The following DTNB variants were observed in gnomAD, a reference collection of about 807,000 sequenced individuals.
The protein encoded by DTNB is DTN-B.
A neutral mutation model predicts 90.7 loss-of-function variants in DTNB; 63 were observed. That is an observed-to-expected ratio of 0.69 (90% confidence interval 0.57 to 0.86). The LOEUF (loss-of-function observed/expected upper bound fraction) is 0.86, where lower values mean the gene tolerates loss of function less well. DTNB is among the 40% of genes least tolerant of loss of function. DTNB has a pLI of 0.00. For missense variants in DTNB, 744 were observed against 807.1 expected (o/e 0.92, Z 0.95); for synonymous variants, 277 against 286.7 (o/e 0.97, Z 0.34).
chr2:25,542,541 A>C (rs1344837469), intron 8 of DTNB, among the ~76,000 whole-genome samples: 1 of 152,204 alleles, frequency 6.6e-6, no homozygotes, highest in African/African-American at 2.4e-5. Flanking sequence ...TCAAAAATGA[A>C]ACTGGGCATG....
At chr2:25,451,418 C>A in intron 12 of DTNB, 130 bp downstream of exon 12, 1 of 925,606 alleles carries the variant, frequency 1.1e-6, no homozygotes, top group Non-Finnish European at 1.6e-6. Context: ...CTACTCTTAG[C>A]ATGTGGAAAA....
chr2:25,384,200 G>T (rs2038791364), intron 18 of DTNB, among the ~76,000 whole-genome samples: 1 of 152,198 alleles, frequency 6.6e-6, no homozygotes, highest in Admixed American at 6.5e-5. Flanking sequence ...GCCCTCAGGT[G>T]GTGATGACCA....
At chr2:25,552,658 T>C (rs1353251639) in intron 8 of DTNB, among the ~76,000 whole-genome samples, 1 of 152,190 alleles carries the variant, frequency 6.6e-6, no homozygotes, top group East Asian at 1.9e-4. Context: ...TGAGGCCTAC[T>C]AAGGGTTTCC....
chr2:25,659,198 T>C (rs2082663507), intron 1 of DTNB, among the ~76,000 whole-genome samples: 1 of 152,082 alleles, frequency 6.6e-6, no homozygotes, highest in Admixed American at 6.6e-5. Context: ...GGGGAAAAGG[T>C]AGTGATAAGG....
At chr2:25,607,845 A>C (rs1040780543) in intron 4 of DTNB, among the ~76,000 whole-genome samples, 1 of 152,222 alleles carries the variant, frequency 6.6e-6, no homozygotes, top group East Asian at 1.9e-4. Context: ...TATTCTAAGA[A>C]GCTCAATCAC....
At chr2:25,604,280 C>A (rs940481939) in intron 5 of DTNB, among the ~76,000 whole-genome samples, 5 of 152,146 alleles carry the variant, frequency 3.3e-5, no homozygotes, top group African/African-American at 1.2e-4. Flanking sequence ...CCAAGCTTCA[C>A]AATCAGCCCT....
intron 8 of DTNB, among the ~76,000 whole-genome samples, chr2:25,544,627 A>T (rs1196010859): frequency 1.3e-5 from 2 of 152,172 alleles, no homozygotes; most frequent in Admixed American, 6.5e-5. Flanking sequence ...CAGACAAGTC[A>T]ACAACTTTCT....
At chr2:25,538,434 G>T (rs547360311) in intron 8 of DTNB, among the ~76,000 whole-genome samples, 12 of 152,146 alleles carry the variant, frequency 7.9e-5, no homozygotes, top group Admixed American at 2.6e-4. Flanking sequence ...ACACACCAAA[G>T]AGTATAAAAT....
chr2:25,450,193 T>C (rs375771594), intron 12 of DTNB, among the ~76,000 whole-genome samples: 1 of 152,234 alleles, frequency 6.6e-6, no homozygotes, highest in African/African-American at 2.4e-5. Flanking sequence ...TTTAAGTTTA[T>C]GATACATTTC....
chr2:25,672,355 A>G (rs1306746882), intron 1 of DTNB, among the ~76,000 whole-genome samples: 1 of 152,148 alleles, frequency 6.6e-6, no homozygotes, highest in Non-Finnish European at 1.5e-5. Context: ...CATTCATGCA[A>G]TAGACACTTA....
intron 16 of DTNB, among the ~76,000 whole-genome samples, chr2:25,418,640 A>C (rs140446004): frequency 6.6e-6 from 1 of 151,860 alleles, no homozygotes; most frequent in East Asian, 1.9e-4. Flanking sequence ...CGGAGGTTGC[A>C]GTGAGCCGAG....
chr2:25,569,840 T>C (rs1346105014), intron 8 of DTNB, among the ~76,000 whole-genome samples: 3 of 152,052 alleles, frequency 2.0e-5, no homozygotes, highest in Non-Finnish European at 2.9e-5. Context: ...GCTCAGACTG[T>C]AATCCCAGCA....
chr2:25,510,861 G>A (rs529271152), intron 9 of DTNB, among the ~76,000 whole-genome samples: 53 of 152,302 alleles, frequency 3.5e-4, no homozygotes, highest in African/African-American at 1.3e-3. Context: ...GTTTCTGGGA[G>A]CACCACCCAA....
intron 3 of DTNB, among the ~76,000 whole-genome samples, chr2:25,633,790 T>G (rs2076345829): frequency 6.9e-6 from 1 of 144,050 alleles, no homozygotes; most frequent in Admixed American, 6.9e-5. Flanking sequence ...CGGCCGCTCA[T>G]CGTCTGAGAT....
intron 10 of DTNB, among the ~76,000 whole-genome samples, chr2:25,459,917 T>G (rs1270926992): frequency 2.6e-5 from 4 of 152,144 alleles, no homozygotes; most frequent in Non-Finnish European, 5.9e-5. Context: ...GAGAACAGCT[T>G]GGGCAACATA....
intron 9 of DTNB, among the ~76,000 whole-genome samples, chr2:25,518,495 TCA>T (rs562222837): frequency 2.0e-5 from 3 of 151,486 alleles, no homozygotes; most frequent in African/African-American, 4.8e-5. Context: ...CCTCTGTCTC[TCA>T]CACACACACA....
intron 3 of DTNB, among the ~76,000 whole-genome samples, chr2:25,631,653 T>C (rs965720954): frequency 5.3e-5 from 8 of 150,868 alleles, no homozygotes; most frequent in Non-Finnish European, 1.0e-4. Context: ...CAGAATAGTC[T>C]CAAAACATAT....
intron 16 of DTNB, among the ~76,000 whole-genome samples, chr2:25,413,832 A>C (rs1430508740): frequency 6.6e-6 from 1 of 152,170 alleles, no homozygotes; most frequent in Non-Finnish European, 1.5e-5. Context: ...ATTTCTAGTT[A>C]TAGATCCTTG....
chr2:25,578,917 T>G (rs2061140938), intron 7 of DTNB, among the ~76,000 whole-genome samples: 1 of 152,156 alleles, frequency 6.6e-6, no homozygotes, highest in African/African-American at 2.4e-5. Context: ...TTCTCACCAT[T>G]AAAATTAAGA....
Sources: gnomAD v4.1 joint callset for allele counts (sites outside exome capture counted in the v4.1 genomes callset) on GRCh38, gnomAD v4.1.1 for gene constraint, MANE v1.5 for transcripts, NCBI Gene and HGNC (gene_info 2026-07-23, HGNC 2026-07-21) for gene names.